Variants in MYO9B observed in about 807,000 individuals in gnomAD.
MYO9B encodes the protein unconventional myosin-IXb.
Under a neutral mutation model 229.5 loss-of-function variants are expected in MYO9B, and 71 were observed. The ratio of observed to expected loss-of-function variants is 0.31; its 90% CI spans 0.26 to 0.38. The LOEUF is 0.38. MYO9B is among the 10% of genes least tolerant of loss of function. MYO9B has a pLI of 1.00. For missense variants in MYO9B, 2,255 were observed against 2,920.5 expected (o/e 0.77, Z 5.25); for synonymous variants, 1,185 against 1,235.8 (o/e 0.96, Z 0.86).
At chr19:17,191,285 C>A in intron 20 of MYO9B, 66 bp downstream of exon 20, 2 of 1,493,864 alleles carry the variant, frequency 1.3e-6, no homozygotes. Context: ...CACCGTGTCT[C>A]CCCAGGCCCC....
rs748363596 is a variant in MYO9B at position 17,200,683 on chromosome 19, A to G, written c.4417A>G (p.Thr1473Ala). The change falls in exon 26 of 40, where the codon ACC becomes GCC. Residue 1473 changes from threonine to alanine, a missense_variant. Transcript: ENST00000682292. ...QHRHAAGEKR[T>A]KEPGGKGKKN... ...TCGCCACGCTGCAGGTGAGAAGCGCACCAAGGAACCAGGAGGCAAAGGGAA... is the reference window on the plus strand; with the variant it reads ...TCGCCACGCTGCAGGTGAGAAGCGCGCCAAGGAACCAGGAGGCAAAGGGAA... 1.1e-5 allele frequency: 18 copies of G among 1,614,018 alleles called. No homozygotes were observed. Among genetic ancestry groups the G allele is most frequent in the South Asian group, 2.2e-5 (2 of 91,080 alleles).
At chr19:17,167,379 C>G (rs994739590) in intron 10 of MYO9B, among the ~76,000 whole-genome samples, 6 of 151,630 alleles carry the variant, frequency 4.0e-5, no homozygotes, top group Admixed American at 2.0e-4. Flanking sequence ...GCGATCCTAC[C>G]ACCTTGGCCT....
intron 4 of MYO9B, among the ~76,000 whole-genome samples, 158 bp from the exon 5 acceptor site, chr19:17,153,809 T>G (rs1048440886): frequency 6.6e-6 from 1 of 152,176 alleles, no homozygotes; most frequent in African/African-American, 2.4e-5. Flanking sequence ...CTCATTTGTT[T>G]TGTTTTGTTT....
At chr19:17,152,047 C>T (rs1387446838) in intron 3 of MYO9B, among the ~76,000 whole-genome samples, 14 of 151,970 alleles carry the variant, frequency 9.2e-5, no homozygotes, top group Middle Eastern at 3.4e-3. Flanking sequence ...ATTAGCCAGG[C>T]ATGGTGGCAC....
At chr19:17,178,121 C>T (rs1391253523) in intron 14 of MYO9B, among the ~76,000 whole-genome samples, 1 of 152,224 alleles carries the variant, frequency 6.6e-6, no homozygotes, top group Non-Finnish European at 1.5e-5. Flanking sequence ...GCACTGACCA[C>T]CCTGGGTGTG....
chr19:17,152,585 A>G (rs2072490781), intron 3 of MYO9B, 59 bp from the exon 4 acceptor site: 5 of 1,467,858 alleles, frequency 3.4e-6, no homozygotes, highest in African/African-American at 1.4e-5. Context: ...AAACAACTCA[A>G]TATTAACACA....
At chr19:17,154,176 C>A in intron 5 of MYO9B, 110 bp downstream of exon 5, 1 of 1,322,300 alleles carries the variant, frequency 7.6e-7, no homozygotes, top group Non-Finnish European at 1.1e-6. Context: ...CGAACCCGCT[C>A]CCAGAAGGCA....
intron 26 of MYO9B, among the ~76,000 whole-genome samples, chr19:17,201,503 G>A (rs1317374180): frequency 1.3e-5 from 2 of 152,158 alleles, no homozygotes; most frequent in East Asian, 1.9e-4. Flanking sequence ...CCCATCCTAA[G>A]GTATGGCTGG....
chr19:17,076,650 C>G (rs1002667342), intron 1 of MYO9B, among the ~76,000 whole-genome samples: 2 of 152,014 alleles, frequency 1.3e-5, no homozygotes, highest in Admixed American at 6.5e-5. Context: ...TGACCTGGGA[C>G]GAGTCCCAAC....
At chr19:17,097,782 C>T (rs2057707162) in intron 1 of MYO9B, among the ~76,000 whole-genome samples, 1 of 152,120 alleles carries the variant, frequency 6.6e-6, no homozygotes, top group Non-Finnish European at 1.5e-5. Flanking sequence ...TCATGCTTCT[C>T]TTTAGGGCAG....
chr19:17,170,831 T>TTAAAAA (rs1555700216), intron 11 of MYO9B, among the ~76,000 whole-genome samples: 4 of 120,866 alleles, frequency 3.3e-5, no homozygotes, highest in South Asian at 2.7e-4. Flanking sequence ...CTCTAAAAAT[T>TTAAAAA]AAAAAAAAAA....
chr19:17,076,818 T>C (rs2057489543), intron 1 of MYO9B, among the ~76,000 whole-genome samples: 1 of 152,120 alleles, frequency 6.6e-6, no homozygotes, highest in Non-Finnish European at 1.5e-5. Flanking sequence ...TGCACCCTCA[T>C]GTACAGGACT....
chr19:17,151,648 G>T (rs1290815995), intron 3 of MYO9B, among the ~76,000 whole-genome samples: 1 of 152,230 alleles, frequency 6.6e-6, no homozygotes, highest in Non-Finnish European at 1.5e-5. Context: ...CTAGATGCAT[G>T]GCTCACGCCT....
intron 13 of MYO9B, among the ~76,000 whole-genome samples, chr19:17,174,022 C>CT (rs11313520): frequency 0.028 from 1,826 of 64,774 alleles, 294 homozygotes; most frequent in Middle Eastern, 0.062. Flanking sequence ...TGATGAGCTG[C>CT]TTTTTTTTTT....
chr19:17,161,347 A>C (rs951325078), intron 8 of MYO9B, among the ~76,000 whole-genome samples: 2 of 152,086 alleles, frequency 1.3e-5, no homozygotes, highest in African/African-American at 4.8e-5. Context: ...CCTCCAGGAC[A>C]GGGTGAAATA....
chr19:17,094,549 T>C (rs2057670423), intron 1 of MYO9B, among the ~76,000 whole-genome samples: 2 of 152,208 alleles, frequency 1.3e-5, no homozygotes, highest in African/African-American at 4.8e-5. Context: ...TAGGTCAATT[T>C]GCATTTTCTA....
intron 2 of MYO9B, among the ~76,000 whole-genome samples, chr19:17,127,931 A>G (rs1190561107): frequency 6.6e-6 from 1 of 152,162 alleles, no homozygotes; most frequent in Non-Finnish European, 1.5e-5. Flanking sequence ...TAAGGCAGAG[A>G]TTTTTCCAAA....
At chr19:17,201,183 C>T (rs1393772039) in intron 26 of MYO9B, among the ~76,000 whole-genome samples, 1 of 152,138 alleles carries the variant, frequency 6.6e-6, no homozygotes, top group East Asian at 1.9e-4. Context: ...CCACAAGCCA[C>T]GATCGCAGCA....
chr19:17,196,972 C>T (rs963575650), intron 22 of MYO9B, among the ~76,000 whole-genome samples: 2 of 151,614 alleles, frequency 1.3e-5, no homozygotes, highest in African/African-American at 2.4e-5. Flanking sequence ...GATGGAGGGA[C>T]GGATGGGTAG....
Sources: allele counts gnomAD v4.1 joint callset (sites outside exome capture counted in the v4.1 genomes callset), GRCh38; gene constraint gnomAD v4.1.1; transcripts MANE v1.5; gene names NCBI Gene and HGNC (gene_info 2026-07-23, HGNC 2026-07-21).